KCNMB2: variants seen among roughly 807,000 people sequenced by gnomAD.
KCNMB2 encodes calcium-activated potassium channel subunit beta-2.
A neutral mutation model predicts 24.5 loss-of-function variants in KCNMB2; 9 were observed. The observed-to-expected ratio is 0.37, with a 90% CI of 0.22 to 0.64. The LOEUF (loss-of-function observed/expected upper bound fraction) is 0.64. Ranked by LOEUF, KCNMB2 falls within the 30% of genes least tolerant of loss-of-function variation. The pLI, the probability that KCNMB2 is intolerant of heterozygous loss-of-function variation, is 0.63. For synonymous variants in KCNMB2, 109 were observed against 104.4 expected (o/e 1.04, Z -0.27); for missense variants, 226 against 284.3 (o/e 0.79, Z 1.47).
intron 1 of KCNMB2, among the ~76,000 whole-genome samples, chr3:178,644,651 TCTC>T (rs918755614): frequency 6.6e-6 from 1 of 152,198 alleles, no homozygotes; most frequent in Non-Finnish European, 1.5e-5. Context: ...ATCGTCAGCT[TCTC>T]CTCTTAGCTT....
intron 1 of KCNMB2, among the ~76,000 whole-genome samples, chr3:178,633,297 C>T (rs1719392118): frequency 6.6e-6 from 1 of 152,208 alleles, no homozygotes; most frequent in Non-Finnish European, 1.5e-5. Context: ...CCCACATTTC[C>T]CTTCTGCACT....
At chr3:178,700,461 T>C (rs906921883) in intron 1 of KCNMB2, among the ~76,000 whole-genome samples, 5 of 152,248 alleles carry the variant, frequency 3.3e-5, no homozygotes, top group Admixed American at 1.3e-4. Flanking sequence ...CCTGGACCAC[T>C]GGAACTTAGA....
chr3:178,759,352 T>TAC, intron 1 of KCNMB2, among the ~76,000 whole-genome samples: 1 of 77,322 alleles, frequency 1.3e-5, no homozygotes, highest in East Asian at 3.1e-4. Flanking sequence ...AGGATATATA[T>TAC]ATATATATAT....
At chr3:178,682,303 G>A (rs774359379) in intron 1 of KCNMB2, among the ~76,000 whole-genome samples, 1 of 152,234 alleles carries the variant, frequency 6.6e-6, no homozygotes, top group Non-Finnish European at 1.5e-5. Flanking sequence ...AGTGTGCCAG[G>A]CACATAGTCA....
chr3:178,769,405 G>A (rs1254989781), intron 1 of KCNMB2, among the ~76,000 whole-genome samples: 4 of 152,180 alleles, frequency 2.6e-5, no homozygotes, highest in Non-Finnish European at 5.9e-5. Flanking sequence ...GGTGGGGTAA[G>A]AGGGGGGTGT....
intron 1 of KCNMB2, among the ~76,000 whole-genome samples, chr3:178,623,023 A>C (rs1214895911): frequency 6.6e-6 from 1 of 152,260 alleles, no homozygotes; most frequent in African/African-American, 2.4e-5. Flanking sequence ...TTGGGACACC[A>C]GTAAGTAGTC....
intron 4 of KCNMB2, among the ~76,000 whole-genome samples, chr3:178,835,652 T>C (rs1670805061): frequency 6.6e-6 from 1 of 151,832 alleles, no homozygotes; most frequent in Non-Finnish European, 1.5e-5. Context: ...AAAAGTTCCA[T>C]TGACTTTGGA....
At chr3:178,718,024 A>G (rs1018258142) in intron 1 of KCNMB2, among the ~76,000 whole-genome samples, 8 of 152,234 alleles carry the variant, frequency 5.3e-5, no homozygotes, top group African/African-American at 1.9e-4. Flanking sequence ...AACAATAATA[A>G]GTGGACATGA....
rs1214526565 is a variant in KCNMB2, at chr3:178,758,383, GATACATAT to G, written c.-67-48956_-67-48949del. On this transcript the variant is annotated intron_variant, in intron 1 of 4. Transcript: ENST00000452583. ...ATATATATATATATCTCCAAGAGGG[GATACATAT>G]ATATATATATATATATATATATATA... 2.6e-3 allele frequency among the ~76,000 whole-genome samples: 10 copies of G among 3,774 alleles called. 1 individual carries two copies. The highest frequency in any genetic ancestry group is 8.8e-3 in the Admixed American group (2 of 228). The allele number at this position is 3,774 out of a possible 152,430, so 2.5% of individuals were successfully genotyped here.
In KCNMB2 at chr3:178,641,643, T is replaced by G. The variant is rs1291485533; in HGVS notation, c.-68+104932T>G. On this transcript the variant is annotated intron_variant, in intron 1 of 4. Coordinates refer to ENST00000452583, the MANE Select transcript of KCNMB2 (RefSeq NM_181361.3). ...AGCTTTTTTTTCTTTTTCCCCACTT[T>G]GTATGCATTTTATTTCTTGTTTTTA... Among the ~76,000 whole-genome samples the G allele has an allele frequency of 3.3e-5, 5 of 152,146 alleles. No homozygotes were observed. In the East Asian group the frequency reaches 9.6e-4, roughly 29 times the overall value.
At chr3:178,590,838 T>G (rs1717642839) in intron 1 of KCNMB2, among the ~76,000 whole-genome samples, 1 of 152,188 alleles carries the variant, frequency 6.6e-6, no homozygotes, top group African/African-American at 2.4e-5. Flanking sequence ...TTTAATCACT[T>G]TTTAAGGTAG....
chr3:178,638,930 T>G (rs1417756461), intron 1 of KCNMB2, among the ~76,000 whole-genome samples: 1 of 152,178 alleles, frequency 6.6e-6, no homozygotes, highest in Non-Finnish European at 1.5e-5. Context: ...TCCATGTAAT[T>G]TATATTTACT....
rs61148761 is a variant in KCNMB2 at position 178,751,573 on chromosome 3, C to CAAAA, written c.-67-55741_-67-55738dup. On this transcript the variant is annotated intron_variant, in intron 1 of 4. Transcript: ENST00000452583. ...CGAGCAACAGTGCGAGACTCCGTCT[C>CAAAA]AAAAAAAAAAAAAAAAAAAAAAAAA... 3.3e-3 allele frequency among the ~76,000 whole-genome samples: 156 copies of CAAAA among 47,728 alleles called. 11 individuals are homozygous for CAAAA. The highest frequency in any genetic ancestry group is 6.8e-3 in the East Asian group (7 of 1,022). The allele number at this position is 47,728 out of a possible 152,430, so 31.3% of individuals were successfully genotyped here. A position where few individuals can be genotyped will look rare whatever the true frequency, so the allele number is the denominator to read the frequency against.
At chr3:178,645,684 A>G (rs183881415) in intron 1 of KCNMB2, among the ~76,000 whole-genome samples, 7 of 152,130 alleles carry the variant, frequency 4.6e-5, no homozygotes, top group Admixed American at 3.3e-4. Flanking sequence ...CGTTCTGCCA[A>G]CCCAGCCACA....
intron 1 of KCNMB2, among the ~76,000 whole-genome samples, chr3:178,717,430 T>C (rs1027401674): frequency 6.6e-6 from 1 of 152,080 alleles, no homozygotes; most frequent in African/African-American, 2.4e-5. Context: ...TGCTAGAAAA[T>C]TGCTTCCAGT....
intron 1 of KCNMB2, among the ~76,000 whole-genome samples, chr3:178,663,408 C>T (rs1577081093): frequency 6.6e-6 from 1 of 152,148 alleles, no homozygotes; most frequent in East Asian, 1.9e-4. Context: ...TTAACCATGA[C>T]ATCACACTTG....
At chr3:178,650,317 C>T (rs9839913) in intron 1 of KCNMB2, among the ~76,000 whole-genome samples, 1,715 of 152,190 alleles carry the variant, frequency 0.011, 27 homozygotes, top group African/African-American at 0.039. Flanking sequence ...AATGTATATT[C>T]TGTTACTTTG....
At chr3:178,829,243 C>T (rs1455686713) in intron 4 of KCNMB2, among the ~76,000 whole-genome samples, 2 of 151,978 alleles carry the variant, frequency 1.3e-5, no homozygotes, top group African/African-American at 2.4e-5. Flanking sequence ...ACTCTTGGCT[C>T]TTATTACCAG....
At chr3:178,819,202 G>GT in intron 2 of KCNMB2, among the ~76,000 whole-genome samples, 1 of 152,050 alleles carries the variant, frequency 6.6e-6, no homozygotes, top group Non-Finnish European at 1.5e-5. Context: ...AAAAAGTAAT[G>GT]GCCAATGTGC....
Sources: gnomAD v4.1 joint callset for allele counts (sites outside exome capture counted in the v4.1 genomes callset) on GRCh38, gnomAD v4.1.1 for gene constraint, MANE v1.5 for transcripts, NCBI Gene and HGNC (gene_info 2026-07-23, HGNC 2026-07-21) for gene names.